Variants in GRIP1 observed in about 807,000 individuals in gnomAD.
GRIP1 encodes glutamate receptor-interacting protein 1.
In GRIP1, 45 loss-of-function variants were observed where a neutral mutation model predicts 129.9. The ratio of observed to expected loss-of-function variants is 0.35; its 90% CI spans 0.27 to 0.44. The LOEUF is 0.44. Among genes scored for constraint, GRIP1 ranks in the 20% least tolerant of loss-of-function variants. GRIP1 has a pLI of 1.00. For synonymous variants in GRIP1, 530 were observed against 520.8 expected, an observed-to-expected ratio of 1.02 and a Z score of -0.24; for missense variants, 1,196 against 1,396.8, an observed-to-expected ratio of 0.86 and a Z score of 2.29.
chr12:66,823,410 G>A (rs903601554), intron 1 of GRIP1, among the ~76,000 whole-genome samples: 2 of 152,164 alleles, frequency 1.3e-5, no homozygotes, highest in South Asian at 4.2e-4. Context: ...CTATTTGGTT[G>A]ATTACCCAAT....
At chr12:66,887,151 T>TA in intron 1 of GRIP1, among the ~76,000 whole-genome samples, 1 of 152,336 alleles carries the variant, frequency 6.6e-6, no homozygotes, top group East Asian at 1.9e-4. Flanking sequence ...GTGTAGGAGA[T>TA]AAAGTTGTTT....
At chr12:66,528,835 AAAG>A (rs368429770) in intron 5 of GRIP1, among the ~76,000 whole-genome samples, 48 of 152,298 alleles carry the variant, frequency 3.2e-4, no homozygotes, top group African/African-American at 9.4e-4. Flanking sequence ...GCGTTTATTT[AAAG>A]AAGAGAAGAT....
At chr12:66,358,766 C>T (rs78191137) in intron 23 of GRIP1, among the ~76,000 whole-genome samples, 2,017 of 152,244 alleles carry the variant, frequency 0.013, 55 homozygotes, top group African/African-American at 0.046. Context: ...TATTCTAGTC[C>T]TTTTCCTTCT....
At chr12:67,044,156 GA>G (rs1452020811) in intron 1 of GRIP1, among the ~76,000 whole-genome samples, 1 of 152,154 alleles carries the variant, frequency 6.6e-6, no homozygotes. Flanking sequence ...TTTCTCCCAA[GA>G]ACTATTTCTA....
Position 66,542,217 on chromosome 12 carries a change from T to C in GRIP1, c.137-267A>G, listed in dbSNP as rs11830853. Among the ~76,000 whole-genome samples, 1,044 of 152,286 alleles carry C rather than the reference T, an allele frequency of 6.9e-3. 15 individuals carry two copies. The highest frequency in any genetic ancestry group is 0.024 in the African/African-American group (991 of 41,558). On this transcript the variant is annotated intron_variant, in intron 2 of 24. Coordinates refer to ENST00000359742, the MANE Select transcript of GRIP1 (RefSeq NM_001366722.1). Reference sequence around the variant, plus strand: ...AAATTGTCTTATGTACAAATAATATTCACCCTTTATTTTCTGCCATTCTCA... The same window carrying C: ...AAATTGTCTTATGTACAAATAATATCCACCCTTTATTTTCTGCCATTCTCA...
chr12:66,898,149 G>A (rs537676707), intron 1 of GRIP1, among the ~76,000 whole-genome samples: 13 of 152,208 alleles, frequency 8.5e-5, no homozygotes, highest in African/African-American at 3.1e-4. Context: ...TATGTTAGCC[G>A]AGGCAAGAAC....
chr12:66,756,496 G>A (rs1455449337), intron 1 of GRIP1, among the ~76,000 whole-genome samples: 1 of 152,140 alleles, frequency 6.6e-6, no homozygotes, highest in African/African-American at 2.4e-5. Context: ...ATTAAAACTA[G>A]TCTAAAACTT....
At chr12:66,478,978 T>C (rs2059713733) in intron 7 of GRIP1, among the ~76,000 whole-genome samples, 1 of 151,514 alleles carries the variant, frequency 6.6e-6, no homozygotes, top group South Asian at 2.1e-4. Flanking sequence ...AATATACATA[T>C]GTAACAAACC....
At chr12:66,875,677 C>T (rs1273063200) in intron 1 of GRIP1, among the ~76,000 whole-genome samples, 2 of 151,928 alleles carry the variant, frequency 1.3e-5, no homozygotes, top group East Asian at 3.9e-4. Flanking sequence ...GCCAATTATC[C>T]CTTAACTTTG....
intron 1 of GRIP1, among the ~76,000 whole-genome samples, chr12:66,920,549 A>G (rs1281986775): frequency 6.6e-6 from 1 of 152,204 alleles, no homozygotes; most frequent in Non-Finnish European, 1.5e-5. Context: ...AAGGACCATC[A>G]AGGAAGTTAT....
intron 11 of GRIP1, among the ~76,000 whole-genome samples, chr12:66,451,383 GTTT>G (rs1169331519): frequency 1.1e-3 from 45 of 42,614 alleles, no homozygotes; most frequent in African/African-American, 1.8e-3. Flanking sequence ...ATTATAATCT[GTTT>G]TTTTTTTTTT....
chr12:66,392,862 T>A (rs1458258997), intron 17 of GRIP1, 46 bp from the exon 18 acceptor site: 6 of 1,569,176 alleles, frequency 3.8e-6, no homozygotes, highest in Non-Finnish European at 5.3e-6. Flanking sequence ...AATCCCTGTA[T>A]GGTACTGAAT....
At chr12:66,717,183 GAAC>G (rs1348751960) in intron 1 of GRIP1, among the ~76,000 whole-genome samples, 2 of 152,176 alleles carry the variant, frequency 1.3e-5, no homozygotes, top group East Asian at 1.9e-4. Flanking sequence ...TATCACAGAA[GAAC>G]AACAACTTAT....
chr12:66,607,819 G>T (rs1256595514), intron 1 of GRIP1, among the ~76,000 whole-genome samples: 1 of 152,096 alleles, frequency 6.6e-6, no homozygotes, highest in East Asian at 1.9e-4. Context: ...TGAAACCAAG[G>T]TGATTAACCC....
At chr12:66,891,843 A>G (rs2137234021) in intron 1 of GRIP1, 1 of 152,358 alleles carries the variant, frequency 6.6e-6, no homozygotes, top group Middle Eastern at 3.4e-3. Context: ...AAGCCTCTTA[A>G]GAAAATTCCA....
chr12:67,049,306 A>G (rs1026704048), intron 1 of GRIP1, among the ~76,000 whole-genome samples: 3 of 152,188 alleles, frequency 2.0e-5, no homozygotes, highest in Non-Finnish European at 4.4e-5. Flanking sequence ...TCTAAGCCCA[A>G]ATTTTGCCTC....
At chr12:66,434,810 G>A (rs780019354) in intron 13 of GRIP1, among the ~76,000 whole-genome samples, 1 of 152,198 alleles carries the variant, frequency 6.6e-6, no homozygotes, top group Non-Finnish European at 1.5e-5. Context: ...GCCAGGTTTT[G>A]CCCATATGCA....
In GRIP1 at chr12:66,570,811, C is replaced by T. The variant is rs143510519; in HGVS notation, c.136+26036G>A. Among the ~76,000 whole-genome samples the T allele has an allele frequency of 2.6e-3, 393 of 152,132 alleles. 1 individual carries two copies. The highest frequency in any genetic ancestry group is 8.6e-3 in the African/African-American group (355 of 41,486). On this transcript the variant is annotated intron_variant, in intron 2 of 24. Coordinates refer to ENST00000359742, the MANE Select transcript of GRIP1 (RefSeq NM_001366722.1). ...CCCCTCAAATTGTATAAACTTGAGG[C>T]GGCACAAAACCTAGATCTTCCTTTG...
intron 11 of GRIP1, among the ~76,000 whole-genome samples, chr12:66,448,846 C>T (rs2058700796): frequency 1.3e-5 from 2 of 152,156 alleles, no homozygotes; most frequent in South Asian, 2.1e-4. Flanking sequence ...AAGGGTAACC[C>T]CTGCCCTGTT....
Sources: gnomAD v4.1 joint callset for allele counts (sites outside exome capture counted in the v4.1 genomes callset) on GRCh38, gnomAD v4.1.1 for gene constraint, MANE v1.5 for transcripts, NCBI Gene and HGNC (gene_info 2026-07-23, HGNC 2026-07-21) for gene names.